The following PTGS1 variants were observed in gnomAD, a reference collection of about 807,000 sequenced individuals.
PTGS1 encodes prostaglandin G/H synthase 1.
Under a neutral mutation model 63.0 loss-of-function variants are expected in PTGS1, and 40 were observed. The ratio of observed to expected loss-of-function variants is 0.63; its 90% confidence interval spans 0.49 to 0.83. The LOEUF (loss-of-function observed/expected upper bound fraction) is 0.83. PTGS1 is among the 40% of genes least tolerant of loss of function. The probability of loss-of-function intolerance (pLI) is 0.00; values close to 1 mark genes in which losing one functional copy is unlikely to be tolerated. For synonymous variants in PTGS1, 298 were observed against 301.9 expected, an observed-to-expected ratio of 0.99 and a Z score of 0.13; for missense variants, 709 against 786.5, an observed-to-expected ratio of 0.90 and a Z score of 1.18.
chr9:122,377,519 C>T (rs1837245615), intron 2 of PTGS1, among the ~76,000 whole-genome samples: 1 of 143,402 alleles, frequency 7.0e-6, no homozygotes, highest in Non-Finnish European at 1.5e-5. Context: ...TCTGACTAGG[C>T]AGGAAGTGAA....
intron 7 of PTGS1, among the ~76,000 whole-genome samples, chr9:122,383,178 TTG>T (rs1178294967): frequency 1.4e-5 from 2 of 143,906 alleles, no homozygotes; most frequent in African/African-American, 5.7e-5. Flanking sequence ...GCAAGATTTG[TTG>T]TTTTTTTTTT....
At chr9:122,377,323 C>A (rs1052428207) in intron 2 of PTGS1, among the ~76,000 whole-genome samples, 1 of 152,128 alleles carries the variant, frequency 6.6e-6, no homozygotes, top group Non-Finnish European at 1.5e-5. Flanking sequence ...TTCAATTTCC[C>A]CATCTGCAAT....
chr9:122,378,779 C>T lies in PTGS1; in HGVS notation c.357C>T (p.Arg119=). The change falls in exon 5 of 11, where the codon CGC becomes CGT. Residue 119 remains arginine, a synonymous_variant. Transcript: ENST00000362012. ...EMLMRLVLTV[R]SNLIPSPPTY... is the part of the protein sequence containing the mutation. The stretch of plus-strand genomic sequence containing the variant: ...CGTTATTTTTGCTCTCTGCAGTGCG[C>T]TCCAACCTTATCCCCAGTCCCCCCA... The T allele has an allele frequency of 6.2e-7, 1 of 1,614,204 alleles. No individual in the cohort carries two copies. The highest frequency in any genetic ancestry group is 1.7e-5 in the Admixed American group (1 of 60,018).
At position 122,381,499 on chromosome 9, in the gene PTGS1, T is replaced by C; in HGVS notation, c.625T>C (p.Phe209Leu). 6.2e-7 allele frequency: 1 copy of C among 1,614,196 alleles called. No individual in the cohort carries two copies. Among genetic ancestry groups the C allele is most frequent in the Non-Finnish European group, 8.5e-7 (1 of 1,180,032 alleles). The change falls in exon 6 of 11, where the codon TTC becomes CTC. Residue 209 changes from phenylalanine to leucine, a missense_variant. Physicochemically the swap from Phe to Leu is conservative, Grantham distance 22. Coordinates refer to ENST00000362012, the MANE Select transcript of PTGS1 (RefSeq NM_000962.4). ...FFAQHFTHQF[F>L]KTSGKMGPGF... ...TGCACAACACTTCACCCACCAGTTC[T>C]TCAAAACTTCTGGCAAGATGGGTCC...
rs916322362 is a variant in PTGS1 at position 122,387,746 on chromosome 9, A to G, written c.1296+1014A>G. ...TCATTCTGTGGTACATTGTCATGGC[A>G]GCCCTAGCAAACAAACACATTCTCT... On this transcript the variant is annotated intron_variant, in intron 9 of 10. Coordinates refer to ENST00000362012, the MANE Select transcript of PTGS1 (RefSeq NM_000962.4). 2.0e-5 allele frequency among the ~76,000 whole-genome samples: 3 copies of G among 152,240 alleles called. No homozygotes were observed. The South Asian group carries it at 6.2e-4, about 32-fold the overall frequency.
chr9:122,391,370 TAC>T (rs1490174789), intron 10 of PTGS1, among the ~76,000 whole-genome samples: 4 of 69,526 alleles, frequency 5.8e-5, no homozygotes, highest in African/African-American at 3.3e-4. Context: ...TATATATATA[TAC>T]ATATATATAT....
chr9:122,386,505 C>T lies in PTGS1; in HGVS notation c.1069C>T (p.Gln357Ter). Reference protein sequence around the residue: ...YVQQLSGYFLQLKFDPELLFG... With the variant: ...YVQQLSGYFL Reference sequence around the variant, plus strand: ...GCAGCAGCTGAGTGGCTATTTCCTGCAGCTGAAATTTGACCCAGAGCTGCT... The same window carrying T: ...GCAGCAGCTGAGTGGCTATTTCCTGTAGCTGAAATTTGACCCAGAGCTGCT... Residue 357 changes from glutamine to a stop codon, truncating the protein, a stop_gained, in exon 9 of 11, where the codon CAG becomes TAG. Transcript: ENST00000362012. LOFTEE classifies it high-confidence loss of function. 2 of 1,614,194 alleles carry T rather than the reference C, an allele frequency of 1.2e-6. No individual in the cohort carries two copies. Among genetic ancestry groups the T allele is most frequent in the South Asian group, 2.2e-5 (2 of 91,084 alleles).
Position 122,393,069 on chromosome 9 carries a change from A to T in PTGS1, c.*525A>T, listed in dbSNP as rs1838383982. On this transcript the variant is annotated 3_prime_UTR_variant, in exon 11 of 11. Transcript: ENST00000362012. ...TCAGTGAGATATCATAGAGACGGAG[A>T]TCCTAAGGTCCAACAAGAATGCATT... is the stretch of plus-strand genomic sequence containing the variant. 1 of 155,774 alleles carries T rather than the reference A, an allele frequency of 6.4e-6. No individual in the cohort carries two copies. The highest frequency in any genetic ancestry group is 6.1e-5 in the Admixed American group (1 of 16,270). The allele number at this position is 155,774 out of a possible 1,614,324, so 9.6% of individuals were successfully genotyped here.
intron 8 of PTGS1, among the ~76,000 whole-genome samples, chr9:122,384,914 T>C (rs927010636): frequency 3.3e-5 from 5 of 152,346 alleles, no homozygotes; most frequent in Admixed American, 2.6e-4. Flanking sequence ...GCTGTATTCA[T>C]TGTCTACTTC....
In PTGS1 at chr9:122,395,050, A is replaced by T. The variant is rs1838502515; in HGVS notation, c.*2506A>T. ...TCGAGAAGGGTGGATGACAGGGCAGAGCAGGAAGGACAGGAAGCTGGCAGA... is the reference window on the plus strand; with the variant it reads ...TCGAGAAGGGTGGATGACAGGGCAGTGCAGGAAGGACAGGAAGCTGGCAGA... On this transcript the variant is annotated 3_prime_UTR_variant, in exon 11 of 11. Transcript: ENST00000362012. The T allele has an allele frequency of 6.6e-6, 1 of 152,328 alleles. No individual in the cohort carries two copies. Among genetic ancestry groups the T allele is most frequent in the East Asian group, 1.9e-4 (1 of 5,186 alleles). The allele number at this position is 152,328 out of a possible 1,614,324, so 9.4% of individuals were successfully genotyped here. A position where few individuals can be genotyped will look rare whatever the true frequency, so the allele number is the denominator to read the frequency against.
chr9:122,372,298 C>G (rs1311258456), intron 2 of PTGS1, among the ~76,000 whole-genome samples: 1 of 152,038 alleles, frequency 6.6e-6, no homozygotes, highest in Non-Finnish European at 1.5e-5. Context: ...GACCAAGTTT[C>G]CTGAAACGGG....
intron 10 of PTGS1, among the ~76,000 whole-genome samples, chr9:122,391,410 CAT>C (rs1182952396): frequency 0.047 from 2,366 of 50,612 alleles, 105 homozygotes; most frequent in Admixed American, 0.18. Context: ...TATATATATA[CAT>C]ATATATATAT....
chr9:122,378,641 G>C (rs1837331246), intron 4 of PTGS1, 68 bp downstream of exon 4: 1 of 1,610,934 alleles, frequency 6.2e-7, no homozygotes, highest in Admixed American at 1.7e-5. Context: ...TGGATTCTTG[G>C]CATCTGATAA....
intron 8 of PTGS1, 40 bp downstream of exon 8, chr9:122,383,795 C>T (rs1837693344): frequency 6.3e-7 from 1 of 1,587,122 alleles, no homozygotes; most frequent in African/African-American, 1.3e-5. Flanking sequence ...AAGGTCATTC[C>T]CTCCATCCTG....
In PTGS1 at chr9:122,393,362, T is replaced by C. The variant is rs1482805223; in HGVS notation, c.*818T>C. ...AGCAGAGGCAACACTGGAACATGGCTAGCCTTTCTTGTAGCCATGGCTGGG... is the reference window on the plus strand; with the variant it reads ...AGCAGAGGCAACACTGGAACATGGCCAGCCTTTCTTGTAGCCATGGCTGGG... On this transcript the variant is annotated 3_prime_UTR_variant, in exon 11 of 11. Transcript: ENST00000362012. The C allele has an allele frequency of 6.6e-6, 1 of 152,246 alleles. No homozygotes were observed. The highest frequency in any genetic ancestry group is 1.5e-5 in the Non-Finnish European group (1 of 68,054). 9.4% of individuals were successfully genotyped at this position (152,246 alleles called of 1,614,324 possible). A position where few individuals can be genotyped will look rare whatever the true frequency, so the allele number is the denominator to read the frequency against.
At chr9:122,387,819 C>T (rs1837966299) in intron 9 of PTGS1, among the ~76,000 whole-genome samples, 1 of 152,254 alleles carries the variant, frequency 6.6e-6, no homozygotes, top group South Asian at 2.1e-4. Context: ...CCCTTCTCCA[C>T]ATTCGGAAGC....
intron 10 of PTGS1, among the ~76,000 whole-genome samples, chr9:122,391,603 T>C (rs1213474918): frequency 6.6e-6 from 1 of 151,056 alleles, no homozygotes; most frequent in East Asian, 2.0e-4. Flanking sequence ...TCCATATTTG[T>C]CTCCCCTTGG....
At chr9:122,383,819 G>T in intron 8 of PTGS1, 64 bp downstream of exon 8, 1 of 1,564,888 alleles carries the variant, frequency 6.4e-7, no homozygotes, top group Non-Finnish European at 8.7e-7. Flanking sequence ...AGTTGGGGGC[G>T]GGGGGGTACT....
intron 2 of PTGS1, among the ~76,000 whole-genome samples, chr9:122,374,280 C>T (rs998289790): frequency 4.6e-5 from 7 of 152,200 alleles, no homozygotes; most frequent in African/African-American, 1.7e-4. Flanking sequence ...TGTATTGATA[C>T]AAATAATGGA....
Sources: gnomAD v4.1 joint callset for allele counts (sites outside exome capture counted in the v4.1 genomes callset) on GRCh38, gnomAD v4.1.1 for gene constraint, MANE v1.5 for transcripts, NCBI Gene and HGNC (gene_info 2026-07-23, HGNC 2026-07-21) for gene names.